PDCD4: variants seen among roughly 807,000 people sequenced by gnomAD.
PDCD4 encodes programmed cell death 4.
Under a neutral mutation model 54.0 loss-of-function variants are expected in PDCD4, and 56 were observed. The ratio of observed to expected loss-of-function variants is 1.04; its 90% confidence interval spans 0.84 to 1.30. The LOEUF is 1.30. Among genes scored for constraint, PDCD4 ranks in the 50% most tolerant of loss-of-function variants. The pLI, the probability that PDCD4 is intolerant of heterozygous loss-of-function variation, is 0.00. For missense variants in PDCD4, 584 were observed against 559.8 expected (o/e 1.04, Z -0.44); for synonymous variants, 186 against 194.8 (o/e 0.95, Z 0.37).
chr10:110,881,388 T>G lies in PDCD4; in HGVS notation c.199T>G (p.Ser67Ala). The G allele has an allele frequency of 6.2e-7, 1 of 1,614,142 alleles. No homozygotes were observed. The highest frequency in any genetic ancestry group is 1.1e-5 in the South Asian group (1 of 91,088). ...GGCAAAAAGGCGACTAAGGAAAAAC[T>G]CATCCCGGGACTCTGGCAGAGGCGA... is the stretch of plus-strand genomic sequence containing the variant. The part of the protein sequence containing the change: ...AKAKRRLRKN[S>A]SRDSGRGDSV... Residue 67 changes from serine to alanine, a missense_variant, in exon 3 of 12, where the codon TCA (serine) becomes GCA (alanine). Coordinates refer to ENST00000280154, the MANE Select transcript of PDCD4 (RefSeq NM_014456.5).
rs1382434729 is a variant in PDCD4 at position 110,887,810 on chromosome 10, C to T, written c.701C>T (p.Thr234Ile). ...CTTTGTGGGACAGTAATGAGCACAA[C>T]TGATGTGGAAAAATCATTTGATAAA... Reference protein sequence around the residue: ...SDLCGTVMSTTDVEKSFDKLL... With the variant: ...SDLCGTVMSTIDVEKSFDKLL... The change falls in exon 6 of 12, where the codon ACT (threonine) becomes ATT (isoleucine). Residue 234 changes from threonine to isoleucine, a missense_variant. Transcript: ENST00000280154. 4 of 1,613,462 alleles carry T rather than the reference C, an allele frequency of 2.5e-6. No homozygotes were observed. The Admixed American group carries it at 6.7e-5, about 27-fold the overall frequency.
intron 3 of PDCD4, 118 bp from the exon 4 acceptor site, chr10:110,882,881 AAAAC>A: frequency 1.6e-6 from 1 of 642,982 alleles, no homozygotes; most frequent in Non-Finnish European, 2.7e-6. Context: ...AAACTGGAAA[AAAAC>A]TAACACGTTA....
intron 11 of PDCD4, 70 bp from the exon 12 acceptor site, chr10:110,897,958 A>G: frequency 8.9e-7 from 1 of 1,126,224 alleles, no homozygotes; most frequent in Non-Finnish European, 1.3e-6. Flanking sequence ...CCAAGTTTTT[A>G]ATTTTTTTAT....
In PDCD4 at chr10:110,887,680, T is replaced by A; in HGVS notation, c.571T>A (p.Leu191Ile). The change falls in exon 6 of 12, where the codon TTA (leucine) becomes ATA (isoleucine). Residue 191 changes from leucine (L) to isoleucine (I), a missense_variant. Physicochemically the swap from Leu to Ile is conservative, Grantham distance 5. Transcript: ENST00000280154. ...TNEVAEMLRD[L>I]NLGEMKSGVP... ...TTTTGAACAGGAAATGTTAAGAGAT[T>A]TAAATCTTGGTGAAATGAAAAGTGG... 1 of 1,610,688 alleles carries A rather than the reference T, an allele frequency of 6.2e-7. No individual in the cohort carries two copies. Among genetic ancestry groups the A allele is most frequent in the African/African-American group, 1.3e-5 (1 of 74,978 alleles).
intron 8 of PDCD4, 27 bp downstream of exon 8, chr10:110,890,697 T>A: frequency 7.1e-7 from 1 of 1,405,588 alleles, no homozygotes; most frequent in Non-Finnish European, 1.0e-6. Flanking sequence ...GTTTTTAACT[T>A]AATTTATATG....
chr10:110,872,698 C>G (rs1053921646), intron 1 of PDCD4, among the ~76,000 whole-genome samples: 14 of 152,354 alleles, frequency 9.2e-5, no homozygotes, highest in African/African-American at 3.4e-4. Context: ...CCTGCGCGAA[C>G]TTCGTCGCGC....
chr10:110,897,827 GA>G (rs1157155137), intron 11 of PDCD4, among the ~76,000 whole-genome samples, 200 bp from the exon 12 acceptor site: 2 of 151,016 alleles, frequency 1.3e-5, no homozygotes, highest in Non-Finnish European at 2.9e-5. Context: ...CAAAAACTCA[GA>G]TTTGATATTG....
Position 110,899,539 on chromosome 10 carries a change from T to C in PDCD4, c.*1451T>C, listed in dbSNP as rs1184824515. ...AGGGCTGGGCACGGTGGCTCATGCCTGTAATCCCAGCACTTTGGGAGGCCG... is the reference window on the plus strand; with the variant it reads ...AGGGCTGGGCACGGTGGCTCATGCCCGTAATCCCAGCACTTTGGGAGGCCG... On this transcript the variant is annotated 3_prime_UTR_variant, in exon 12 of 12. Coordinates refer to ENST00000280154, the MANE Select transcript of PDCD4 (RefSeq NM_014456.5). 6.6e-6 allele frequency: 1 copy of C among 152,318 alleles called. No individual in the cohort carries two copies. Among genetic ancestry groups the C allele is most frequent in the Non-Finnish European group, 1.5e-5 (1 of 68,116 alleles). The allele number at this position is 152,318 out of a possible 1,614,324, so 9.4% of individuals were successfully genotyped here. A position where few individuals can be genotyped will look rare whatever the true frequency, so the allele number is the denominator to read the frequency against.
chr10:110,876,331 G>A (rs1845504804), intron 2 of PDCD4, among the ~76,000 whole-genome samples: 1 of 152,128 alleles, frequency 6.6e-6, no homozygotes, highest in African/African-American at 2.4e-5. Flanking sequence ...GCTTGACTAT[G>A]TTGTGAGGAA....
intron 2 of PDCD4, among the ~76,000 whole-genome samples, chr10:110,880,029 C>T (rs1460363525): frequency 2.0e-5 from 3 of 152,152 alleles, no homozygotes; most frequent in East Asian, 1.9e-4. Flanking sequence ...CTCTGATTTG[C>T]GTTAACAATA....
In PDCD4 at chr10:110,898,014, TTTC is replaced by T. The variant is rs1845872723; in HGVS notation, c.1350-10_1350-8del. The T allele has an allele frequency of 6.4e-7, 1 of 1,567,410 alleles. No individual in the cohort carries two copies. The highest frequency in any genetic ancestry group is 8.7e-7 in the Non-Finnish European group (1 of 1,154,290). On this transcript the variant is annotated splice_polypyrimidine_tract_variant and intron_variant, in intron 11 of 11. Coordinates refer to ENST00000280154, the MANE Select transcript of PDCD4 (RefSeq NM_014456.5). ...TTGTATCTGTTTTCATGTCTTTTTT[TTTC>T]TTCATTACAGGGGCAGAAAGCGTTT...
At chr10:110,895,325 T>C (rs1364036642) in intron 10 of PDCD4, among the ~76,000 whole-genome samples, 1 of 152,138 alleles carries the variant, frequency 6.6e-6, no homozygotes, top group Non-Finnish European at 1.5e-5. Context: ...AGTGAGACCA[T>C]GCATTATTTG....
In PDCD4 at chr10:110,885,363, T is replaced by A; in HGVS notation, c.552T>A (p.Val184=). ...EYFEHGDTNE[V]AEMLRDLNLG... The stretch of plus-strand genomic sequence containing the variant: ...TTGAGCATGGAGATACTAATGAAGT[T>A]GCGGTAGGTTTAAAGTTGCAAGTAT... The change falls in exon 5 of 12, where the codon GTT becomes GTA. Residue 184 remains valine (V), a synonymous_variant. Transcript: ENST00000280154. The A allele has an allele frequency of 6.8e-7, 1 of 1,465,730 alleles. No individual in the cohort carries two copies. Among genetic ancestry groups the A allele is most frequent in the East Asian group, 2.3e-5 (1 of 43,124 alleles). The allele number at this position is 1,465,730 out of a possible 1,614,324, so 90.8% of individuals were successfully genotyped here.
intron 8 of PDCD4, among the ~76,000 whole-genome samples, chr10:110,891,422 A>G (rs896574606): frequency 7.3e-5 from 11 of 151,360 alleles, no homozygotes; most frequent in African/African-American, 1.9e-4. Flanking sequence ...AAAAAAAAAA[A>G]AAAAGCGATT....
At position 110,890,537 on chromosome 10, in the gene PDCD4, T is replaced by C. The variant is rs560423180; in HGVS notation, c.876-19T>C. The C allele has an allele frequency of 2.0e-6, 3 of 1,522,588 alleles. No individual in the cohort carries two copies. The Admixed American group carries it at 5.3e-5, about 27-fold the overall frequency. 94.3% of individuals were successfully genotyped at this position (1,522,588 alleles called of 1,614,324 possible). On this transcript the variant is annotated intron_variant, in intron 7 of 11. Transcript: ENST00000280154. ...GGTATGTCCAGCTATCAAACTTAAA[T>C]TTTTTTCTTTCTCTGTAGAGCTGCT...
At chr10:110,891,570 G>A (rs118122913) in intron 8 of PDCD4, among the ~76,000 whole-genome samples, 2,919 of 151,762 alleles carry the variant, frequency 0.019, 48 homozygotes, top group Middle Eastern at 0.055. Context: ...CATGCAACTA[G>A]AAGATTTGTA....
At chr10:110,874,145 C>T (rs1329924121) in intron 1 of PDCD4, among the ~76,000 whole-genome samples, 2 of 152,200 alleles carry the variant, frequency 1.3e-5, no homozygotes, top group Non-Finnish European at 2.9e-5. Context: ...ATCACCTACC[C>T]TCTCTGAATC....
At chr10:110,888,950 G>A (rs1387724636) in intron 6 of PDCD4, among the ~76,000 whole-genome samples, 3 of 151,680 alleles carry the variant, frequency 2.0e-5, no homozygotes, top group Non-Finnish European at 4.4e-5. Context: ...AAGAGAGGAC[G>A]TCACTTGACC....
At chr10:110,875,339 ATAAT>A (rs1564679060) in intron 1 of PDCD4, among the ~76,000 whole-genome samples, 1 of 152,112 alleles carries the variant, frequency 6.6e-6, no homozygotes, top group Non-Finnish European at 1.5e-5. Flanking sequence ...TCTCATATAA[ATAAT>A]ATTATCAAAA....
Sources: allele counts gnomAD v4.1 joint callset (sites outside exome capture counted in the v4.1 genomes callset), GRCh38; gene constraint gnomAD v4.1.1; transcripts MANE v1.5; gene names NCBI Gene and HGNC (gene_info 2026-07-23, HGNC 2026-07-21).